The following TAF2 variants were observed in gnomAD, a reference collection of about 807,000 sequenced individuals.
TAF2 encodes transcription initiation factor TFIID subunit 2.
TAF2 carries 61 observed loss-of-function variants against 138.5 expected under a neutral mutation model. That is an observed-to-expected ratio of 0.44 (90% CI 0.36 to 0.54). The LOEUF (loss-of-function observed/expected upper bound fraction) is 0.54, where lower values mean the gene tolerates loss of function less well. Ranked by LOEUF, TAF2 falls within the 20% of genes least tolerant of loss-of-function variation. The pLI is 0.00. For synonymous variants in TAF2, 475 were observed against 469.9 expected (o/e 1.01, Z -0.14); for missense variants, 1,090 against 1,427.9 (o/e 0.76, Z 3.81).
At chr8:119,792,592 CTA>C (rs371097523) in intron 10 of TAF2, among the ~76,000 whole-genome samples, 2 of 152,150 alleles carry the variant, frequency 1.3e-5, no homozygotes, top group African/African-American at 4.8e-5. Context: ...ATGAGTGGTG[CTA>C]TAGTTTGTTT....
intron 3 of TAF2, among the ~76,000 whole-genome samples, chr8:119,814,314 C>T (rs1825296070): frequency 6.6e-6 from 1 of 151,908 alleles, no homozygotes; most frequent in Non-Finnish European, 1.5e-5. Context: ...CATTGTAGCT[C>T]AGTTAAACTA....
At position 119,775,312 on chromosome 8, in the gene TAF2, C is replaced by T. The variant is rs925986552; in HGVS notation, c.2364+2707G>A. Among the ~76,000 whole-genome samples the T allele has an allele frequency of 2.0e-5, 3 of 149,896 alleles. No individual in the cohort carries two copies. In the South Asian group the frequency reaches 6.3e-4, roughly 31 times the overall value. On this transcript the variant is annotated intron_variant, in intron 18 of 25. Transcript: ENST00000378164. ...AAAAAAAAAAAATTGAAAATCAAAT[C>T]CCCAAATCAAGCATCAGAGAGTAAT... is the stretch of plus-strand genomic sequence containing the variant.
chr8:119,797,380 T>C (rs1823903335), intron 7 of TAF2, among the ~76,000 whole-genome samples: 1 of 152,046 alleles, frequency 6.6e-6, no homozygotes, highest in Admixed American at 6.6e-5. Flanking sequence ...ATACAATAAT[T>C]TGTACAATTT....
At chr8:119,814,717 C>A (rs1217596634) in intron 3 of TAF2, among the ~76,000 whole-genome samples, 2 of 139,308 alleles carry the variant, frequency 1.4e-5, no homozygotes, top group African/African-American at 5.4e-5. Context: ...TGTGGTGAAA[C>A]CCTGTCTCTA....
intron 25 of TAF2, among the ~76,000 whole-genome samples, chr8:119,740,463 G>A (rs1186456753): frequency 6.8e-6 from 1 of 146,818 alleles, no homozygotes; most frequent in Non-Finnish European, 1.5e-5. Context: ...AGATGAGCCT[G>A]GCCAATATGG....
intron 25 of TAF2, among the ~76,000 whole-genome samples, chr8:119,737,105 A>G (rs933202513): frequency 6.6e-6 from 1 of 152,204 alleles, no homozygotes; most frequent in Non-Finnish European, 1.5e-5. Context: ...TACAAAGGCT[A>G]TATCAGCCAA....
Position 119,765,889 on chromosome 8 carries a change from C to T in TAF2, c.2365-3281G>A, listed in dbSNP as rs78303997. The stretch of plus-strand genomic sequence containing the variant: ...TGAGATAGAGGTACTATTACTAACA[C>T]GCTTTTTCTTAATAGATGAAGAAAC... On this transcript the variant is annotated intron_variant, in intron 18 of 25. Coordinates refer to ENST00000378164, the MANE Select transcript of TAF2 (RefSeq NM_003184.4). 2.2e-4 allele frequency among the ~76,000 whole-genome samples: 33 copies of T among 152,192 alleles called. No homozygotes were observed. In the East Asian group the frequency reaches 5.4e-3, roughly 25 times the overall value.
chr8:119,826,460 G>A (rs1202911530), intron 2 of TAF2, among the ~76,000 whole-genome samples: 1 of 152,084 alleles, frequency 6.6e-6, no homozygotes, highest in Non-Finnish European at 1.5e-5. Context: ...CCAGTTTCAG[G>A]TATGTCTTTA....
At chr8:119,732,931 A>C (rs1003682046) in intron 25 of TAF2, among the ~76,000 whole-genome samples, 1 of 152,172 alleles carries the variant, frequency 6.6e-6, no homozygotes, top group African/African-American at 2.4e-5. Flanking sequence ...ACCCTTGAAC[A>C]ACATGGGTTT....
rs188726137 is a variant in TAF2, at chr8:119,771,924, G to A, written c.2364+6095C>T. On this transcript the variant is annotated intron_variant, in intron 18 of 25. Coordinates refer to ENST00000378164, the MANE Select transcript of TAF2 (RefSeq NM_003184.4). Reference sequence around the variant, plus strand: ...TGAACATGGAACATTCCCCCAAACTGACCACATGCTTGGCTAAAATGCAAA... The same window carrying A: ...TGAACATGGAACATTCCCCCAAACTAACCACATGCTTGGCTAAAATGCAAA... Among the ~76,000 whole-genome samples, 438 of 152,104 alleles carry A rather than the reference G, an allele frequency of 2.9e-3. 2 individuals are homozygous for A. The highest frequency in any genetic ancestry group is 1.0e-2 in the African/African-American group (414 of 41,480).
At chr8:119,740,874 A>C (rs982050089) in intron 25 of TAF2, among the ~76,000 whole-genome samples, 36 of 152,168 alleles carry the variant, frequency 2.4e-4, no homozygotes, top group African/African-American at 7.2e-4. Flanking sequence ...CAGCAAAAAC[A>C]CATTTAAAGG....
chr8:119,801,322 C>T (rs963980524), intron 6 of TAF2, among the ~76,000 whole-genome samples: 6 of 151,962 alleles, frequency 3.9e-5, no homozygotes, highest in African/African-American at 9.7e-5. Flanking sequence ...GAAAGAAATT[C>T]ATTCAAGAAT....
intron 25 of TAF2, among the ~76,000 whole-genome samples, chr8:119,735,758 T>C (rs1055913159): frequency 6.6e-6 from 1 of 152,222 alleles, no homozygotes; most frequent in Non-Finnish European, 1.5e-5. Flanking sequence ...TTCAGCCATA[T>C]ATGCTACCAT....
chr8:119,779,362 A>AAAAAT (rs1822484839), intron 17 of TAF2, among the ~76,000 whole-genome samples: 2 of 151,810 alleles, frequency 1.3e-5, no homozygotes, highest in African/African-American at 4.8e-5. Context: ...TTATTTAAAA[A>AAAAAT]AAAAATAAAA....
At chr8:119,785,003 G>A (rs928172715) in intron 15 of TAF2, among the ~76,000 whole-genome samples, 198 bp downstream of exon 15, 1 of 152,070 alleles carries the variant, frequency 6.6e-6, no homozygotes, top group African/African-American at 2.4e-5. Flanking sequence ...TTTCACCTAG[G>A]CCCTGGCAGA....
chr8:119,805,715 A>G (rs933643783), intron 4 of TAF2, among the ~76,000 whole-genome samples: 21 of 151,768 alleles, frequency 1.4e-4, no homozygotes, highest in African/African-American at 4.3e-4. Context: ...CAAAAAAAAC[A>G]AAAAAAAATT....
At chr8:119,789,094 A>G in intron 12 of TAF2, among the ~76,000 whole-genome samples, 190 bp from the exon 13 acceptor site, 1 of 152,340 alleles carries the variant, frequency 6.6e-6, no homozygotes, top group East Asian at 1.9e-4. Flanking sequence ...GATTTAAATA[A>G]AATTTCTGAA....
chr8:119,733,537 C>T (rs563651366), intron 25 of TAF2, among the ~76,000 whole-genome samples: 6 of 152,212 alleles, frequency 3.9e-5, no homozygotes, highest in South Asian at 4.2e-4. Flanking sequence ...ACATTCTATC[C>T]GTCTAGGAAT....
At chr8:119,829,463 T>C (rs1826301465) in intron 2 of TAF2, among the ~76,000 whole-genome samples, 1 of 152,160 alleles carries the variant, frequency 6.6e-6, no homozygotes, top group Admixed American at 6.6e-5. Flanking sequence ...CTCCACCTCA[T>C]GTTGGTTTCT....
Sources: gnomAD v4.1 joint callset for allele counts (sites outside exome capture counted in the v4.1 genomes callset) on GRCh38, gnomAD v4.1.1 for gene constraint, MANE v1.5 for transcripts, NCBI Gene and HGNC (gene_info 2026-07-23, HGNC 2026-07-21) for gene names.